The following ISLR variants were observed in gnomAD, a reference collection of about 807,000 sequenced individuals.
ISLR encodes immunoglobulin superfamily containing leucine-rich repeat protein.
ISLR carries 9 observed loss-of-function variants against 11.0 expected under a neutral mutation model. The ratio of observed to expected loss-of-function variants is 0.82; its 90% confidence interval spans 0.49 to 1.43. ISLR has a LOEUF of 1.43. Ranked by LOEUF, ISLR falls within the 40% of genes most tolerant of loss-of-function variation. The pLI, the probability that ISLR is intolerant of heterozygous loss-of-function variation, is 0.00. For synonymous variants in ISLR, 262 were observed against 264.1 expected, an observed-to-expected ratio of 0.99 and a Z score of 0.08; for missense variants, 510 against 576.4, an observed-to-expected ratio of 0.88 and a Z score of 1.18.
At position 74,176,021 on chromosome 15, in the gene ISLR, T is replaced by A; in HGVS notation, c.1163T>A (p.Ile388Asn). The A allele has an allele frequency of 6.2e-7, 1 of 1,613,488 alleles. No individual in the cohort carries two copies. Residue 388 changes from isoleucine to asparagine, a missense_variant, in exon 2 of 2, where the codon ATC becomes AAC. Transcript: ENST00000249842. ...PSGPEDNVVI[I>N]YLSRAGNPEA... is the part of the protein sequence containing the mutation. ...GGGCCGGAGGACAATGTGGTCATCA[T>A]CTACCTCAGCCGTGCTGGGAACCCT...
rs1251200733 is a variant in ISLR, at chr15:74,175,802, C to G, written c.944C>G (p.Pro315Arg). ...QAFANGSLLIPDFGKLEEGTY... is the reference protein window; with the variant it reads ...QAFANGSLLIRDFGKLEEGTY... ...TTTGCCAATGGCAGCCTGCTTATCC[C>G]CGACTTTGGCAAGCTGGAGGAAGGC... Residue 315 changes from proline (P) to arginine (R), a missense_variant, in exon 2 of 2, where the codon CCC (proline) becomes CGC (arginine). Transcript: ENST00000249842. The surrounding 1 kb of genome is among the most constrained non-coding windows in gnomAD (Gnocchi z 4.7). 1 of 1,614,004 alleles carries G rather than the reference C, an allele frequency of 6.2e-7. No homozygotes were observed. Among genetic ancestry groups the G allele is most frequent in the Non-Finnish European group, 8.5e-7 (1 of 1,180,048 alleles).
chr15:74,175,495 C>T lies in ISLR; in HGVS notation c.637C>T (p.Pro213Ser), dbSNP rs1281266702. 1.9e-6 allele frequency: 3 copies of T among 1,610,392 alleles called. No homozygotes were observed. Among genetic ancestry groups the T allele is most frequent in the Non-Finnish European group, 2.5e-6 (3 of 1,179,960 alleles). Reference sequence around the variant, plus strand: ...GCAGGACAACATCGCCTGCACCTCACCCCATGTGCTCAAGGGTACGCCGCT... The same window carrying T: ...GCAGGACAACATCGCCTGCACCTCATCCCATGTGCTCAAGGGTACGCCGCT... ...PEQDNIACTS[P>S]HVLKGTPLSR... is the part of the protein sequence containing the mutation. Residue 213 changes from proline (P) to serine (S), a missense_variant, in exon 2 of 2, where the codon CCC (proline) becomes TCC (serine). Physicochemically the swap from Pro to Ser is moderately conservative, Grantham distance 74. Coordinates refer to ENST00000249842, the MANE Select transcript of ISLR (RefSeq NM_005545.4). The surrounding 1 kb of genome is among the most constrained non-coding windows in gnomAD (Gnocchi z 4.7).
In ISLR at chr15:74,176,026, C is replaced by T; in HGVS notation, c.1168C>T (p.Leu390Phe). Residue 390 changes from leucine (L) to phenylalanine (F), a missense_variant, in exon 2 of 2, where the codon CTC (leucine) becomes TTC (phenylalanine). By Grantham distance (22) the Leu-to-Phe change is conservative. Coordinates refer to ENST00000249842, the MANE Select transcript of ISLR (RefSeq NM_005545.4). ...GPEDNVVIIY[L>F]SRAGNPEAAV... is the part of the protein sequence containing the mutation. ...GGAGGACAATGTGGTCATCATCTAC[C>T]TCAGCCGTGCTGGGAACCCTGAGGC... The T allele has an allele frequency of 1.9e-6, 3 of 1,613,312 alleles. No individual in the cohort carries two copies. Among genetic ancestry groups the T allele is most frequent in the South Asian group, 2.2e-5 (2 of 90,956 alleles).
intron 1 of ISLR, chr15:74,174,317 T>C (rs2072767434): frequency 6.5e-6 from 1 of 153,464 alleles, no homozygotes; most frequent in Admixed American, 6.5e-5. Flanking sequence ...ACGGGTGTGA[T>C]TCCACAGAAA....
chr15:74,174,919 G>A lies in ISLR; in HGVS notation c.61G>A (p.Glu21Lys), dbSNP rs149485508. The part of the protein sequence containing the change: ...LLLGLAQACP[E>K]PCDCGEKYGF... ...CCTGGGCCTGGCTCAGGCCTGCCCT[G>A]AGCCCTGCGACTGTGGGGAAAAGTA... Residue 21 changes from glutamate to lysine, a missense_variant, in exon 2 of 2, where the codon GAG (glutamate) becomes AAG (lysine). Coordinates refer to ENST00000249842, the MANE Select transcript of ISLR (RefSeq NM_005545.4). The A allele has an allele frequency of 2.5e-6, 4 of 1,595,996 alleles. No individual in the cohort carries two copies. The highest frequency in any genetic ancestry group is 1.7e-5 in the Admixed American group (1 of 57,674).
chr15:74,174,777 G>T, intron 1 of ISLR, 74 bp from the exon 2 acceptor site: 1 of 1,211,852 alleles, frequency 8.3e-7, no homozygotes, highest in Non-Finnish European at 1.1e-6. Context: ...AAGAGCTCTG[G>T]CTGGGCTTGT....
chr15:74,174,436 A>G (rs139258518), intron 1 of ISLR: 2,949 of 168,520 alleles, frequency 0.017, 103 homozygotes, highest in African/African-American at 0.07. Context: ...AAGGCAAAGC[A>G]TACCTATGGG....
rs140374543 is a variant in ISLR at position 74,175,925 on chromosome 15, G to C, written c.1067G>C (p.Gly356Ala). ...TPGEGGEDTL[G>A]RRFHGKAVEG... ...GGTGAGGGTGGTGAGGACACACTGGGGCGCAGGTTCCATGGCAAAGCGGTT... is the reference window on the plus strand; with the variant it reads ...GGTGAGGGTGGTGAGGACACACTGGCGCGCAGGTTCCATGGCAAAGCGGTT... The change falls in exon 2 of 2, where the codon GGG becomes GCG. Residue 356 changes from glycine (G) to alanine (A), a missense_variant. Coordinates refer to ENST00000249842, the MANE Select transcript of ISLR (RefSeq NM_005545.4). This position sits in a 1 kb window ranked among gnomAD's most constrained non-coding sequence, Gnocchi z 4.7. 3,207 of 1,611,660 alleles carry C rather than the reference G, an allele frequency of 2.0e-3. 9 individuals carry two copies. Among genetic ancestry groups the C allele is most frequent in the Non-Finnish European group, 2.5e-3 (2,941 of 1,178,200 alleles).
chr15:74,175,230 C>T lies in ISLR; in HGVS notation c.372C>T (p.Leu124=). The T allele has an allele frequency of 6.2e-7, 1 of 1,613,520 alleles. No individual in the cohort carries two copies. Among genetic ancestry groups the T allele is most frequent in the Non-Finnish European group, 8.5e-7 (1 of 1,180,024 alleles). Residue 124 remains leucine, a synonymous_variant, in exon 2 of 2, where the codon CTC becomes CTT. Coordinates refer to ENST00000249842, the MANE Select transcript of ISLR (RefSeq NM_005545.4). The surrounding 1 kb of genome is among the most constrained non-coding windows in gnomAD (Gnocchi z 4.7). ...GCGACCTGCACAACCTCAGTGCCCT[C>T]CAATTGCTCAAGATGGACAGCAACG... The part of the protein sequence containing the change: ...AWSDLHNLSA[L]QLLKMDSNEL...
intron 1 of ISLR, 22 bp from the exon 2 acceptor site, chr15:74,174,829 G>C: frequency 6.0e-6 from 9 of 1,501,276 alleles, no homozygotes; most frequent in Non-Finnish European, 8.0e-6. Flanking sequence ...GGATCCCCTG[G>C]GTGACATGCC....
chr15:74,175,551 G>A lies in ISLR; in HGVS notation c.693G>A (p.Ala231=), dbSNP rs192255705. 7.4e-6 allele frequency: 12 copies of A among 1,611,430 alleles called. No individual in the cohort carries two copies. The highest frequency in any genetic ancestry group is 5.0e-5 in the Admixed American group (3 of 59,960). ...GCCTGCCGCCACTGCCATGCTCGGC[G>A]CCCTCAGTGCAGCTCAGCTACCAAC... The part of the protein sequence containing the change: ...LSRLPPLPCS[A]PSVQLSYQPS... Residue 231 remains alanine, a synonymous_variant, in exon 2 of 2, where the codon GCG becomes GCA. Transcript: ENST00000249842. The surrounding 1 kb of genome is among the most constrained non-coding windows in gnomAD (Gnocchi z 4.7).
rs972617396 is a variant in ISLR at position 74,175,362 on chromosome 15, G to A, written c.504G>A (p.Pro168=). 1.4e-5 allele frequency: 22 copies of A among 1,610,618 alleles called. No individual in the cohort carries two copies. The highest frequency in any genetic ancestry group is 4.0e-5 in the African/African-American group (3 of 74,902). Residue 168 remains proline (P), a synonymous_variant, in exon 2 of 2, where the codon CCG becomes CCA. Transcript: ENST00000249842. This position sits in a 1 kb window ranked among gnomAD's most constrained non-coding sequence, Gnocchi z 4.7. ...LHTLAEGTFT[P]LTALSHLQIN... ...CATTGGCCGAGGGCACCTTCACCCC[G>A]CTCACCGCGCTGTCCCACCTGCAGA...
chr15:74,175,468 G>C lies in ISLR; in HGVS notation c.610G>C (p.Glu204Gln). 1 of 1,610,956 alleles carries C rather than the reference G, an allele frequency of 6.2e-7. No homozygotes were observed. Among genetic ancestry groups the C allele is most frequent in the Non-Finnish European group, 8.5e-7 (1 of 1,179,956 alleles). ...WALTTAVSIP[E>Q]QDNIACTSPH... ...CCTGACCACGGCCGTGTCCATCCCGGAGCAGGACAACATCGCCTGCACCTC... is the reference window on the plus strand; with the variant it reads ...CCTGACCACGGCCGTGTCCATCCCGCAGCAGGACAACATCGCCTGCACCTC... Residue 204 changes from glutamate (E) to glutamine (Q), a missense_variant, in exon 2 of 2, where the codon GAG becomes CAG. Transcript: ENST00000249842. The surrounding 1 kb of genome is among the most constrained non-coding windows in gnomAD (Gnocchi z 4.7).
At position 74,175,975 on chromosome 15, in the gene ISLR, G is replaced by A. The variant is rs1431898299; in HGVS notation, c.1117G>A (p.Asp373Asn). Residue 373 changes from aspartate (D) to asparagine (N), a missense_variant, in exon 2 of 2, where the codon GAC (aspartate) becomes AAC (asparagine). By Grantham distance (23) the Asp-to-Asn change is conservative. Coordinates refer to ENST00000249842, the MANE Select transcript of ISLR (RefSeq NM_005545.4). This position sits in a 1 kb window ranked among gnomAD's most constrained non-coding sequence, Gnocchi z 4.7. ...TGAGGGAAAGGGCTGCTATACGGTT[G>A]ACAACGAGGTGCAGCCATCAGGGCC... ...AVEGKGCYTV[D>N]NEVQPSGPED... 1 of 1,611,918 alleles carries A rather than the reference G, an allele frequency of 6.2e-7. No individual in the cohort carries two copies. The highest frequency in any genetic ancestry group is 8.5e-7 in the Non-Finnish European group (1 of 1,178,490).
At position 74,174,903 on chromosome 15, in the gene ISLR, G is replaced by A. The variant is rs137923011; in HGVS notation, c.45G>A (p.Leu15=). The change falls in exon 2 of 2, where the codon CTG becomes CTA. Residue 15 remains leucine, a synonymous_variant. Transcript: ENST00000249842. The stretch of plus-strand genomic sequence containing the variant: ...TCTGGTGGGCGCTTCTCCTGGGCCT[G>A]GCTCAGGCCTGCCCTGAGCCCTGCG... The part of the protein sequence containing the change: ...HLLWWALLLG[L]AQACPEPCDC... The A allele has an allele frequency of 5.1e-4, 790 of 1,556,326 alleles. 12 individuals are homozygous for A. The Admixed American group carries it at 0.015, about 30-fold the overall frequency.
chr15:74,175,392 C>T lies in ISLR; in HGVS notation c.534C>T (p.Asn178=), dbSNP rs114338290. 3.4e-3 allele frequency: 5,465 copies of T among 1,611,888 alleles called. 163 individuals carry two copies. In the African/African-American group the frequency reaches 0.061, roughly 18 times the overall value. The part of the protein sequence containing the change: ...PLTALSHLQI[N]ENPFDCTCGI... ...CCGCGCTGTCCCACCTGCAGATCAA[C>T]GAGAACCCCTTCGACTGCACCTGCG... The change falls in exon 2 of 2, where the codon AAC becomes AAT. Residue 178 remains asparagine (N), a synonymous_variant. Transcript: ENST00000249842. This position sits in a 1 kb window ranked among gnomAD's most constrained non-coding sequence, Gnocchi z 4.7.
At chr15:74,174,717 G>C in intron 1 of ISLR, 134 bp from the exon 2 acceptor site, 1 of 626,558 alleles carries the variant, frequency 1.6e-6, no homozygotes, top group South Asian at 2.6e-5. Flanking sequence ...GGTGGGCTAG[G>C]TGGTGTTGGG....
Position 74,175,274 on chromosome 15 carries a change from G to T in ISLR, c.416G>T (p.Arg139Leu), listed in dbSNP as rs754787419. 1 of 1,612,618 alleles carries T rather than the reference G, an allele frequency of 6.2e-7. No individual in the cohort carries two copies. The highest frequency in any genetic ancestry group is 8.5e-7 in the Non-Finnish European group (1 of 1,180,008). Residue 139 changes from arginine to leucine, a missense_variant, in exon 2 of 2, where the codon CGC (arginine) becomes CTC (leucine). Physicochemically the swap from Arg to Leu is moderately radical, Grantham distance 102. Coordinates refer to ENST00000249842, the MANE Select transcript of ISLR (RefSeq NM_005545.4). The surrounding 1 kb of genome is among the most constrained non-coding windows in gnomAD (Gnocchi z 4.7). Reference sequence around the variant, plus strand: ...AGCAACGAGCTGACCTTCATCCCCCGCGACGCCTTCCGCAGCCTCCGTGCT... The same window carrying T: ...AGCAACGAGCTGACCTTCATCCCCCTCGACGCCTTCCGCAGCCTCCGTGCT... ...MDSNELTFIP[R>L]DAFRSLRALR... is the part of the protein sequence containing the mutation.
Position 74,176,169 on chromosome 15 carries a change from C to G in ISLR, c.*24C>G. 1 of 1,519,964 alleles carries G rather than the reference C, an allele frequency of 6.6e-7. No individual in the cohort carries two copies. The highest frequency in any genetic ancestry group is 8.8e-7 in the Non-Finnish European group (1 of 1,132,382). 94.2% of individuals were successfully genotyped at this position (1,519,964 alleles called of 1,614,324 possible). On this transcript the variant is annotated 3_prime_UTR_variant, in exon 2 of 2. Coordinates refer to ENST00000249842, the MANE Select transcript of ISLR (RefSeq NM_005545.4). ...AGCCCCACCCAGGGCTTCCCTAACT[C>G]CTCCCCTTGCCCCTACCAATGCCCC...
Sources: allele counts gnomAD v4.1 joint callset, GRCh38; gene constraint gnomAD v4.1.1; non-coding constraint Gnocchi (gnomAD v3.1); transcripts MANE v1.5; gene names NCBI Gene and HGNC (gene_info 2026-07-23, HGNC 2026-07-21).